The following NFYC variants were observed in gnomAD, a reference collection of about 807,000 sequenced individuals.
NFYC encodes the protein CAAT box DNA-binding protein subunit C.
A neutral mutation model predicts 53.1 loss-of-function variants in NFYC; 25 were observed. The ratio of observed to expected loss-of-function variants is 0.47; its 90% CI spans 0.34 to 0.66. The LOEUF is 0.66. Among genes scored for constraint, NFYC ranks in the 30% least tolerant of loss-of-function variants. The pLI is 0.01. For synonymous variants in NFYC, 145 were observed against 152.6 expected, an observed-to-expected ratio of 0.95 and a Z score of 0.37; for missense variants, 260 against 422.7, an observed-to-expected ratio of 0.62 and a Z score of 3.38.
chr1:40,762,401 T>A (rs1381862209), intron 6 of NFYC, among the ~76,000 whole-genome samples: 1 of 152,236 alleles, frequency 6.6e-6, no homozygotes, highest in Non-Finnish European at 1.5e-5. Context: ...TGCACCCCTG[T>A]GCTTTATTTT....
chr1:40,717,286 G>C (rs1644171783), intron 1 of NFYC, among the ~76,000 whole-genome samples: 1 of 152,124 alleles, frequency 6.6e-6, no homozygotes, highest in South Asian at 2.1e-4. Context: ...TGCTCTCTAA[G>C]CTTTTTTTGG....
At chr1:40,715,123 G>T (rs1644084240) in intron 1 of NFYC, among the ~76,000 whole-genome samples, 1 of 99,268 alleles carries the variant, frequency 1.0e-5, no homozygotes. Flanking sequence ...TAATAATTTG[G>T]CTGGGTGTGG....
chr1:40,706,106 A>G lies in NFYC; in HGVS notation c.-9+14239A>G, dbSNP rs563150485. Among the ~76,000 whole-genome samples the G allele has an allele frequency of 2.2e-4, 34 of 152,126 alleles. No individual in the cohort carries two copies. The South Asian group carries it at 6.2e-3, about 28-fold the overall frequency. The stretch of plus-strand genomic sequence containing the variant: ...AATGGTTTATGCTATCTACACATAT[A>G]TATGGCACCTAAGAATTTCCATGGA... On this transcript the variant is annotated intron_variant, in intron 1 of 9. Transcript: ENST00000447388.
At chr1:40,701,034 G>A (rs144422806) in intron 1 of NFYC, among the ~76,000 whole-genome samples, 12 of 152,286 alleles carry the variant, frequency 7.9e-5, no homozygotes, top group Non-Finnish European at 1.6e-4. Flanking sequence ...TGTTTAAGAC[G>A]CATTAGTTCC....
chr1:40,738,887 C>A lies in NFYC; in HGVS notation c.44C>A (p.Ala15Asp), dbSNP rs1557835894. ...TTTGGTGGTACTAGCAGCAGTGATG[C>A]CCAGCAAAGCCTACAGTCGTTCTGG... is the stretch of plus-strand genomic sequence containing the variant. ...GGFGGTSSSD[A>D]QQSLQSFWPR... Residue 15 changes from alanine to aspartate, a missense_variant, in exon 2 of 10, where the codon GCC becomes GAC. Ala to Asp is a moderately radical substitution (Grantham distance 126, BLOSUM62 -2). Transcript: ENST00000447388. 1.2e-6 allele frequency: 2 copies of A among 1,614,094 alleles called. No individual in the cohort carries two copies. The highest frequency in any genetic ancestry group is 8.5e-7 in the Non-Finnish European group (1 of 1,179,966).
intron 1 of NFYC, among the ~76,000 whole-genome samples, chr1:40,713,902 C>G (rs1644027713): frequency 6.6e-6 from 1 of 152,086 alleles, no homozygotes; most frequent in Non-Finnish European, 1.5e-5. Context: ...AAGTCTTTAC[C>G]TGAAGTGTGT....
At chr1:40,716,027 T>A (rs866788831) in intron 1 of NFYC, among the ~76,000 whole-genome samples, 2 of 152,344 alleles carry the variant, frequency 1.3e-5, no homozygotes, top group Middle Eastern at 3.4e-3. Context: ...ATTGAAAATA[T>A]CCAGATAAAA....
At chr1:40,720,068 C>T (rs1397496589) in intron 1 of NFYC, among the ~76,000 whole-genome samples, 10 of 152,170 alleles carry the variant, frequency 6.6e-5, no homozygotes, top group Admixed American at 6.5e-4. Flanking sequence ...CAGTTCCTGA[C>T]AGCTGTATAC....
chr1:40,725,125 A>C (rs1644464044), intron 1 of NFYC, among the ~76,000 whole-genome samples: 1 of 152,220 alleles, frequency 6.6e-6, no homozygotes, highest in Non-Finnish European at 1.5e-5. Flanking sequence ...GTAAGTAATA[A>C]GGTTTCAGGC....
At chr1:40,769,823 C>T (rs1172486383) in intron 9 of NFYC, among the ~76,000 whole-genome samples, 3 of 152,166 alleles carry the variant, frequency 2.0e-5, no homozygotes, top group Admixed American at 6.5e-5. Context: ...GCAGAGAACA[C>T]GTGACCTCTT....
rs1218216559 is a variant in NFYC, at chr1:40,770,714, C to T, written c.894C>T (p.Leu298=). 1.9e-6 allele frequency: 3 copies of T among 1,614,056 alleles called. No individual in the cohort carries two copies. The highest frequency in any genetic ancestry group is 2.5e-6 in the Non-Finnish European group (3 of 1,180,054). ...CTCCTCTCCACCCCTCGCAGCAGCT[C>T]TACCAGATCCAGCAAGTCACCATGC... ...QFSQFTDGQQ[L]YQIQQVTMPA... Residue 298 remains leucine, a synonymous_variant, in exon 10 of 10, where the codon CTC becomes CTT. Coordinates refer to ENST00000447388, the MANE Select transcript of NFYC (RefSeq NM_014223.5). This position sits in a 1 kb window ranked among gnomAD's most constrained non-coding sequence, Gnocchi z 5.3.
chr1:40,769,114 G>T, intron 8 of NFYC: 1 of 467,456 alleles, frequency 2.1e-6, no homozygotes. Flanking sequence ...TTAGAGAGAT[G>T]GGTGTGGGAA....
At chr1:40,747,419 C>T (rs945615469) in intron 2 of NFYC, 115 bp from the exon 3 acceptor site, 14 of 669,178 alleles carry the variant, frequency 2.1e-5, no homozygotes, top group East Asian at 2.8e-5. Flanking sequence ...CCTTCTCTCC[C>T]GACATACGCT....
chr1:40,725,940 T>G (rs886395637), intron 1 of NFYC, among the ~76,000 whole-genome samples: 2 of 152,266 alleles, frequency 1.3e-5, no homozygotes, highest in Non-Finnish European at 2.9e-5. Context: ...GTGCTTATTT[T>G]AATTTTAAAA....
intron 2 of NFYC, among the ~76,000 whole-genome samples, chr1:40,740,630 G>C (rs925037483): frequency 2.6e-5 from 4 of 152,156 alleles, no homozygotes; most frequent in Admixed American, 1.3e-4. Context: ...TATCTAAACT[G>C]TCTCAGATAT....
chr1:40,716,761 A>G (rs886186312), intron 1 of NFYC, among the ~76,000 whole-genome samples: 17 of 152,184 alleles, frequency 1.1e-4, no homozygotes, highest in Non-Finnish European at 2.2e-4. Context: ...TTTTTATTAC[A>G]TGGAGGCAAT....
In NFYC at chr1:40,691,762, G is replaced by C. The variant is rs1642806296; in HGVS notation, c.-114G>C. On this transcript the variant is annotated 5_prime_UTR_variant, in exon 1 of 10. Transcript: ENST00000447388. ...CCGCTTCGCGCGCGCTCCGTTCTCC[G>C]TGACGCACACTTCCCCCTCCCCTCC... is the stretch of plus-strand genomic sequence containing the variant. 2 of 455,206 alleles carry C rather than the reference G, an allele frequency of 4.4e-6. No homozygotes were observed. The highest frequency in any genetic ancestry group is 8.8e-6 in the Non-Finnish European group (2 of 226,408). The allele number at this position is 455,206 out of a possible 1,614,324, so 28.2% of individuals were successfully genotyped here. A position where few individuals can be genotyped will look rare whatever the true frequency, so the allele number is the denominator to read the frequency against.
intron 1 of NFYC, among the ~76,000 whole-genome samples, chr1:40,714,139 TTTG>T (rs1263817727): frequency 6.6e-6 from 1 of 152,216 alleles, no homozygotes; most frequent in Admixed American, 6.5e-5. Context: ...TTGTTGTTTT[TTTG>T]TTATTATATT....
intron 1 of NFYC, among the ~76,000 whole-genome samples, chr1:40,729,253 C>T (rs1644657234): frequency 1.3e-5 from 2 of 152,242 alleles, no homozygotes; most frequent in Admixed American, 1.3e-4. Flanking sequence ...CACTGAAATT[C>T]TGTTGTTTAA....
Sources: gnomAD v4.1 joint callset for allele counts (sites outside exome capture counted in the v4.1 genomes callset) on GRCh38, gnomAD v4.1.1 for gene constraint, Gnocchi (gnomAD v3.1) non-coding constraint, MANE v1.5 for transcripts, NCBI Gene and HGNC (gene_info 2026-07-23, HGNC 2026-07-21) for gene names.